The following SHB variants were observed in gnomAD, a reference collection of about 807,000 sequenced individuals.
The protein encoded by SHB is SH2 domain containing adaptor protein B.
SHB carries 20 observed loss-of-function variants against 52.3 expected under a neutral mutation model. The observed-to-expected ratio is 0.38, with a 90% CI of 0.27 to 0.56. SHB has a LOEUF of 0.56. Among genes scored for constraint, SHB ranks in the 20% least tolerant of loss-of-function variants. SHB has a pLI of 0.71. For missense variants in SHB, 825 were observed against 723.3 expected (o/e 1.14, Z -1.61); for synonymous variants, 397 against 316.5 (o/e 1.25, Z -2.70).
rs552179136 is a variant in SHB at position 38,069,177 on chromosome 9, G to A, written c.-532C>T. 1.3e-4 allele frequency: 19 copies of A among 151,110 alleles called. No individual in the cohort carries two copies. The highest frequency in any genetic ancestry group is 4.6e-4 in the African/African-American group (19 of 41,180). The allele number at this position is 151,110 out of a possible 1,614,324, so 9.4% of individuals were successfully genotyped here. The stretch of plus-strand genomic sequence containing the variant: ...CGACGGAGGAAGGCAGCCGGCGCCC[G>A]CCGGAGCCCGCGCGCCCGTGCCCGT... On this transcript the variant is annotated 5_prime_UTR_variant, in exon 1 of 6. Coordinates refer to ENST00000377707, the MANE Select transcript of SHB (RefSeq NM_003028.3).
intron 5 of SHB, 149 bp downstream of exon 5, chr9:37,948,486 G>T: frequency 1.1e-6 from 1 of 884,972 alleles, no homozygotes; most frequent in South Asian, 1.6e-5. Context: ...CAGGAGAATA[G>T]GATCAAATTG....
intron 3 of SHB, among the ~76,000 whole-genome samples, chr9:37,967,629 TC>T (rs1038214467): frequency 2.0e-5 from 3 of 152,146 alleles, no homozygotes; most frequent in African/African-American, 7.2e-5. Flanking sequence ...CCCTCTATGT[TC>T]TCAAAGTGGG....
chr9:38,041,595 G>A (rs541952729), intron 1 of SHB, among the ~76,000 whole-genome samples: 3 of 152,106 alleles, frequency 2.0e-5, no homozygotes, highest in South Asian at 4.1e-4. Flanking sequence ...GAAAAGGGAG[G>A]TGGAGAAAAC....
chr9:38,060,536 A>C (rs1821879621), intron 1 of SHB, among the ~76,000 whole-genome samples: 2 of 152,204 alleles, frequency 1.3e-5, no homozygotes, highest in African/African-American at 2.4e-5. Flanking sequence ...TCATATGTAA[A>C]AATGAAAATA....
intron 1 of SHB, among the ~76,000 whole-genome samples, chr9:38,038,141 G>A (rs1389442347): frequency 6.6e-6 from 1 of 152,022 alleles, no homozygotes; most frequent in Non-Finnish European, 1.5e-5. Context: ...CCCATCCTAC[G>A]CCCCATGCAT....
chr9:38,005,425 T>C (rs1474756033), intron 2 of SHB, among the ~76,000 whole-genome samples: 2 of 152,054 alleles, frequency 1.3e-5, no homozygotes, highest in African/African-American at 2.4e-5. Flanking sequence ...CTCCAGGAGA[T>C]GGGGAAGAGC....
At chr9:38,024,685 G>C (rs539263854) in intron 1 of SHB, among the ~76,000 whole-genome samples, 2 of 152,260 alleles carry the variant, frequency 1.3e-5, no homozygotes, top group African/African-American at 4.8e-5. Flanking sequence ...AGGCTTTTCA[G>C]CATCTCTCAA....
intron 2 of SHB, chr9:38,015,463 T>C (rs1196028515): frequency 1.4e-6 from 1 of 703,086 alleles, no homozygotes; most frequent in South Asian, 1.5e-5. Context: ...GGGGAATGTC[T>C]CCATGCTTCC....
chr9:37,935,875 T>A (rs1832363125), intron 5 of SHB, among the ~76,000 whole-genome samples: 1 of 151,714 alleles, frequency 6.6e-6, no homozygotes, highest in African/African-American at 2.4e-5. Context: ...GAACCAGAAA[T>A]GCGTTTCCTA....
At chr9:37,936,140 T>C (rs1832367794) in intron 5 of SHB, among the ~76,000 whole-genome samples, 1 of 151,644 alleles carries the variant, frequency 6.6e-6, no homozygotes, top group Non-Finnish European at 1.5e-5. Context: ...TGCTTGAACT[T>C]GGGAGGCAGA....
At chr9:37,962,081 C>T (rs1030935090) in intron 3 of SHB, among the ~76,000 whole-genome samples, 1 of 152,216 alleles carries the variant, frequency 6.6e-6, no homozygotes, top group Non-Finnish European at 1.5e-5. Context: ...GTTTCTTAAA[C>T]TTCTTTGAGC....
intron 5 of SHB, among the ~76,000 whole-genome samples, chr9:37,943,866 C>T (rs1195494322): frequency 6.6e-6 from 1 of 152,246 alleles, no homozygotes; most frequent in Admixed American, 6.5e-5. Flanking sequence ...CAAACCAGAA[C>T]TTGCCAAGAC....
intron 3 of SHB, among the ~76,000 whole-genome samples, chr9:37,962,197 C>T (rs1356081425): frequency 6.6e-6 from 1 of 152,214 alleles, no homozygotes; most frequent in East Asian, 1.9e-4. Flanking sequence ...GAGACCCTGA[C>T]CCATGGTCAC....
intron 2 of SHB, among the ~76,000 whole-genome samples, chr9:37,985,840 G>A (rs538725418): frequency 8.5e-6 from 1 of 117,304 alleles, no homozygotes; most frequent in African/African-American, 3.6e-5. Context: ...TGTAAGCGCT[G>A]AGTTGGACAG....
chr9:38,012,574 C>T (rs1440799170), intron 2 of SHB, among the ~76,000 whole-genome samples: 1 of 151,884 alleles, frequency 6.6e-6, no homozygotes, highest in African/African-American at 2.4e-5. Flanking sequence ...GTCGCACAGC[C>T]AGTTAGCAGC....
intron 3 of SHB, among the ~76,000 whole-genome samples, chr9:37,973,372 T>C (rs1037326951): frequency 6.6e-5 from 10 of 152,228 alleles, no homozygotes; most frequent in Admixed American, 1.3e-4. Flanking sequence ...TACAGTCATG[T>C]GCCACCACGC....
At chr9:37,935,144 G>A (rs541369861) in intron 5 of SHB, among the ~76,000 whole-genome samples, 1 of 152,324 alleles carries the variant, frequency 6.6e-6, no homozygotes, top group Admixed American at 6.5e-5. Context: ...TCTGAAATGT[G>A]GGTGTCCGGG....
rs959457672 is a variant in SHB at position 37,990,295 on chromosome 9, A to G, written c.839-15458T>C. On this transcript the variant is annotated intron_variant, in intron 2 of 5. Transcript: ENST00000377707. ...GCTCAGAGATGAATCCAATACTCCC[A>G]CTGTCATCTCTCCTCCACCCTGGGA... Among the ~76,000 whole-genome samples the G allele has an allele frequency of 7.2e-5, 11 of 152,140 alleles. No homozygotes were observed. In the East Asian group the frequency reaches 2.1e-3, roughly 29 times the overall value.
At chr9:38,003,876 C>T (rs1456946263) in intron 2 of SHB, among the ~76,000 whole-genome samples, 1 of 152,214 alleles carries the variant, frequency 6.6e-6, no homozygotes, top group Non-Finnish European at 1.5e-5. Flanking sequence ...AGGATGCTGT[C>T]GCCCACCGGC....
Sources: allele counts gnomAD v4.1 joint callset (sites outside exome capture counted in the v4.1 genomes callset), GRCh38; gene constraint gnomAD v4.1.1; transcripts MANE v1.5; gene names NCBI Gene and HGNC (gene_info 2026-07-23, HGNC 2026-07-21).